The following PALM2AKAP2 variants were observed in gnomAD, a reference collection of about 807,000 sequenced individuals.
PALM2AKAP2 encodes PALM2-AKAP2 fusion protein.
PALM2AKAP2 carries 37 observed loss-of-function variants against 71.5 expected under a neutral mutation model. The ratio of observed to expected loss-of-function variants is 0.52; its 90% CI spans 0.40 to 0.68. PALM2AKAP2 has a LOEUF of 0.68. Among genes scored for constraint, PALM2AKAP2 ranks in the 30% least tolerant of loss-of-function variants. The probability of loss-of-function intolerance (pLI) is 0.00; values close to 1 mark genes in which losing one functional copy is unlikely to be tolerated. For missense variants in PALM2AKAP2, 1,224 were observed against 1,191.8 expected (o/e 1.03, Z -0.40); for synonymous variants, 468 against 478.8 (o/e 0.98, Z 0.29).
chr9:109,716,700 T>C (rs954401292), intron 1 of PALM2AKAP2, among the ~76,000 whole-genome samples: 2 of 152,204 alleles, frequency 1.3e-5, no homozygotes, highest in Non-Finnish European at 2.9e-5. Flanking sequence ...ATGCATGTTG[T>C]CCCATCAAAT....
intron 6 of PALM2AKAP2, among the ~76,000 whole-genome samples, chr9:109,963,284 T>C (rs1831885051): frequency 6.6e-6 from 1 of 152,202 alleles, no homozygotes; most frequent in Non-Finnish European, 1.5e-5. Context: ...TGCCAGGATG[T>C]AGAGAGACAG....
At chr9:109,993,682 C>T (rs1189755778) in intron 6 of PALM2AKAP2, among the ~76,000 whole-genome samples, 1 of 152,110 alleles carries the variant, frequency 6.6e-6, no homozygotes, top group Non-Finnish European at 1.5e-5. Context: ...CCTCACACCA[C>T]TATTCTCTCT....
chr9:109,927,223 G>C (rs1178214634), intron 5 of PALM2AKAP2, among the ~76,000 whole-genome samples: 1 of 152,146 alleles, frequency 6.6e-6, no homozygotes, highest in Non-Finnish European at 1.5e-5. Flanking sequence ...TTGAAGGCGG[G>C]AACACATACA....
intron 1 of PALM2AKAP2, among the ~76,000 whole-genome samples, chr9:110,107,677 C>T (rs1460267104): frequency 1.3e-5 from 2 of 151,948 alleles, no homozygotes; most frequent in Non-Finnish European, 2.9e-5. Context: ...AGCGATTCTC[C>T]TGCCTCAGCC....
chr9:110,156,629 A>G, intron 3 of PALM2AKAP2, 132 bp downstream of exon 9: 3 of 1,270,894 alleles, frequency 2.4e-6, no homozygotes, highest in Non-Finnish European at 3.0e-6. Context: ...CAGTTTTCAT[A>G]TATGTGGTTT....
chr9:109,726,612 A>G (rs1015683005), intron 1 of PALM2AKAP2, among the ~76,000 whole-genome samples: 1 of 152,218 alleles, frequency 6.6e-6, no homozygotes, highest in African/African-American at 2.4e-5. Flanking sequence ...TCACTAATAC[A>G]TAGTTATTTT....
chr9:110,099,350 A>G (rs1834935342), intron 1 of PALM2AKAP2, among the ~76,000 whole-genome samples: 1 of 152,236 alleles, frequency 6.6e-6, no homozygotes, highest in Admixed American at 6.5e-5. Context: ...TTCTACTGAC[A>G]TCTGGTACTT....
chr9:110,047,094 A>T (rs1369052710), upstream of PALM2AKAP2, among the ~76,000 whole-genome samples: 1 of 152,224 alleles, frequency 6.6e-6, no homozygotes. Context: ...GAAAGAAAAG[A>T]AGGAAAAGGA....
At chr9:110,066,308 GA>G (rs750495759) in intron 1 of PALM2AKAP2, among the ~76,000 whole-genome samples, 3 of 152,146 alleles carry the variant, frequency 2.0e-5, no homozygotes, top group Non-Finnish European at 2.9e-5. Context: ...CACTTTGGGT[GA>G]ATTATTGAAC....
intron 6 of PALM2AKAP2, among the ~76,000 whole-genome samples, chr9:109,964,804 A>G (rs1210299977): frequency 6.6e-6 from 1 of 152,208 alleles, no homozygotes; most frequent in African/African-American, 2.4e-5. Flanking sequence ...CTCTCAGGCC[A>G]TGGAGCTTCC....
chr9:109,896,665 G>T (rs1258816596), intron 3 of PALM2AKAP2, among the ~76,000 whole-genome samples: 3 of 151,976 alleles, frequency 2.0e-5, no homozygotes, highest in Non-Finnish European at 4.4e-5. Flanking sequence ...ACAAAAATTA[G>T]CCAAGCATGG....
intron 1 of PALM2AKAP2, chr9:110,090,060 G>C (rs947372999): frequency 5.0e-6 from 1 of 200,460 alleles, no homozygotes; most frequent in Non-Finnish European, 1.0e-5. Context: ...ATTAGTAGCT[G>C]TGTAAACGTA....
intron 3 of PALM2AKAP2, among the ~76,000 whole-genome samples, chr9:109,892,067 A>G (rs1243522690): frequency 1.3e-5 from 2 of 152,196 alleles, no homozygotes; most frequent in Non-Finnish European, 2.9e-5. Flanking sequence ...TGTCTTGGTT[A>G]CCTACTGTGT....
intron 1 of PALM2AKAP2, among the ~76,000 whole-genome samples, chr9:109,789,768 G>A (rs1014185737): frequency 8.5e-5 from 13 of 152,128 alleles, no homozygotes; most frequent in African/African-American, 2.2e-4. Context: ...AGGAAATGCC[G>A]GCAGGAGCAG....
At chr9:109,973,137 C>A (rs1330743579) in intron 6 of PALM2AKAP2, among the ~76,000 whole-genome samples, 1 of 152,164 alleles carries the variant, frequency 6.6e-6, no homozygotes, top group Non-Finnish European at 1.5e-5. Flanking sequence ...CTTTTTTATG[C>A]CACAAAGTGC....
intron 6 of PALM2AKAP2, among the ~76,000 whole-genome samples, chr9:110,006,962 C>A (rs1031750519): frequency 6.6e-6 from 1 of 152,124 alleles, no homozygotes; most frequent in Admixed American, 6.6e-5. Flanking sequence ...TGATTCTATT[C>A]CCTTTCCCTT....
chr9:109,803,857 G>A (rs2131409698), intron 1 of PALM2AKAP2, among the ~76,000 whole-genome samples: 1 of 152,318 alleles, frequency 6.6e-6, no homozygotes, highest in South Asian at 2.1e-4. Context: ...GAGTAGATGA[G>A]GTTAACTGTC....
chr9:109,780,447 T>G (rs1000594782), upstream of PALM2AKAP2: 2 of 1,612,548 alleles, frequency 1.2e-6, no homozygotes, highest in East Asian at 4.5e-5. Context: ...CAGCGTGTGT[T>G]TTTTCTTTCC....
chr9:109,936,182 G>T (rs1345716666), intron 6 of PALM2AKAP2, among the ~76,000 whole-genome samples: 1 of 152,116 alleles, frequency 6.6e-6, no homozygotes, highest in Non-Finnish European at 1.5e-5. Context: ...TCAAAAAAGG[G>T]TAATGAGGAT....
Sources: allele counts gnomAD v4.1 joint callset (sites outside exome capture counted in the v4.1 genomes callset), GRCh38; gene constraint gnomAD v4.1.1; transcripts MANE v1.5; gene names NCBI Gene and HGNC (gene_info 2026-07-23, HGNC 2026-07-21).